Variants in FEZ2 observed in about 807,000 individuals in gnomAD.
The protein encoded by FEZ2 is fasciculation and elongation protein zeta 2, also known as fasciculation and elongation protein zeta-2.
A neutral mutation model predicts 40.4 loss-of-function variants in FEZ2; 51 were observed. The ratio of observed to expected loss-of-function variants is 1.26; its 90% CI spans 1.01 to 1.59. FEZ2 has a LOEUF of 1.59. Ranked by LOEUF, FEZ2 falls within the 40% of genes most tolerant of loss-of-function variation. The pLI is 0.00. For synonymous variants in FEZ2, 242 were observed against 172.0 expected (o/e 1.41, Z -3.18); for missense variants, 640 against 438.3 (o/e 1.46, Z -4.11).
intron 1 of FEZ2, among the ~76,000 whole-genome samples, chr2:36,595,711 T>G (rs112164165): frequency 0.014 from 2,183 of 152,258 alleles, 24 homozygotes; most frequent in Middle Eastern, 0.034. Flanking sequence ...CAAGCAATGA[T>G]GAGTATGTTT....
chr2:36,590,355 C>T (rs962895301), intron 2 of FEZ2: 2 of 113,270 alleles, frequency 1.8e-5, no homozygotes, highest in African/African-American at 4.1e-5. Flanking sequence ...CTGAGGGTTT[C>T]AGTGCACCAA....
At chr2:36,581,237 A>G in intron 4 of FEZ2, 53 bp downstream of exon 4, 4 of 1,540,240 alleles carry the variant, frequency 2.6e-6, no homozygotes, top group Non-Finnish European at 3.6e-6. Flanking sequence ...CATACTATAC[A>G]TTTGATACAG....
intron 5 of FEZ2, among the ~76,000 whole-genome samples, chr2:36,561,736 A>C (rs1374327682): frequency 5.3e-5 from 8 of 152,226 alleles, no homozygotes; most frequent in Non-Finnish European, 1.5e-5. Context: ...CGTGAAAAGG[A>C]AGTGAAGGCC....
Position 36,597,965 on chromosome 2 carries a change from G to A in FEZ2, c.178C>T (p.Leu60=). 6.7e-7 allele frequency: 1 copy of A among 1,481,604 alleles called. No individual in the cohort carries two copies. Among genetic ancestry groups the A allele is most frequent in the Non-Finnish European group, 8.9e-7 (1 of 1,122,264 alleles). The allele number at this position is 1,481,604 out of a possible 1,614,324, so 91.8% of individuals were successfully genotyped here. The stretch of plus-strand genomic sequence containing the variant: ...CCCGGATCCGAGGGGCGGAAGCACA[G>A]GCTCAGCTTCTCCTCCAAGCTGCAG... ...PACSLEEKLS[L]CFRPSDPGAE... The change falls in exon 1 of 8, where the codon CTG becomes TTG. Residue 60 remains leucine, a synonymous_variant. Coordinates refer to ENST00000405912, the MANE Select transcript of FEZ2 (RefSeq NM_005102.3).
At chr2:36,558,167 G>C (rs1668001283) in intron 6 of FEZ2, 3 of 251,822 alleles carry the variant, frequency 1.2e-5, no homozygotes. Flanking sequence ...AGAGATGATG[G>C]AGATTTAGGT....
intron 1 of FEZ2, among the ~76,000 whole-genome samples, chr2:36,596,639 T>A (rs1360060464): frequency 2.0e-5 from 3 of 152,278 alleles, no homozygotes; most frequent in East Asian, 3.9e-4. Context: ...AATTTTTTTT[T>A]AATTTTTTTG....
intron 7 of FEZ2, chr2:36,555,352 C>T (rs571909769): frequency 1.1e-5 from 2 of 186,844 alleles, no homozygotes; most frequent in South Asian, 3.5e-4. Context: ...GACCACCCTT[C>T]TCAAATTTCC....
intron 6 of FEZ2, 189 bp from the exon 7 acceptor site, chr2:36,555,937 G>A: frequency 1.5e-6 from 1 of 680,692 alleles, no homozygotes. Flanking sequence ...AGTGGAGTAA[G>A]TCCACAAGAA....
In FEZ2 at chr2:36,560,915, C is replaced by A. The variant is rs769990207; in HGVS notation, c.904-2402G>T. ...GAAGAAAAGGACAGAGAAAGAAGTT[C>A]AAAGTCTATTAGTAAGAATGTACCA... On this transcript the variant is annotated intron_variant, in intron 5 of 7. Transcript: ENST00000405912. The A allele has an allele frequency of 1.7e-5, 20 of 1,202,148 alleles. No individual in the cohort carries two copies. The Admixed American group carries it at 1.7e-4, about 10-fold the overall frequency. 74.5% of individuals were successfully genotyped at this position (1,202,148 alleles called of 1,614,324 possible).
intron 5 of FEZ2, among the ~76,000 whole-genome samples, chr2:36,563,787 G>A (rs1318859404): frequency 6.6e-6 from 1 of 152,128 alleles, no homozygotes; most frequent in African/African-American, 2.4e-5. Flanking sequence ...CCACTTTTCA[G>A]ATCTCTGAGA....
At chr2:36,584,925 A>T (rs762652831) in intron 2 of FEZ2, among the ~76,000 whole-genome samples, 17 of 152,146 alleles carry the variant, frequency 1.1e-4, no homozygotes, top group Non-Finnish European at 1.6e-4. Context: ...TCAACACTGC[A>T]CGGTCCACCT....
intron 5 of FEZ2, among the ~76,000 whole-genome samples, chr2:36,566,489 A>G (rs976481102): frequency 1.4e-5 from 2 of 148,108 alleles, no homozygotes; most frequent in African/African-American, 4.9e-5. Context: ...TTAAGGACAG[A>G]AAAAAAAAAA....
At chr2:36,582,558 T>A (rs1440498832) in intron 3 of FEZ2, among the ~76,000 whole-genome samples, 1 of 152,146 alleles carries the variant, frequency 6.6e-6, no homozygotes, top group Admixed American at 6.5e-5. Context: ...AAAACAACCT[T>A]CCAACCTACT....
At position 36,598,130 on chromosome 2, in the gene FEZ2, C is replaced by G. The variant is rs951646014; in HGVS notation, c.13G>C (p.Gly5Arg). The G allele has an allele frequency of 9.5e-6, 14 of 1,479,006 alleles. No individual in the cohort carries two copies. In the East Asian group the frequency reaches 1.8e-4, roughly 19 times the overall value. 91.6% of individuals were successfully genotyped at this position (1,479,006 alleles called of 1,614,324 possible). Residue 5 changes from glycine to arginine, a missense_variant, in exon 1 of 8, where the codon GGG becomes CGG. By Grantham distance (125) the Gly-to-Arg change is moderately radical (BLOSUM62 -2). Coordinates refer to ENST00000405912, the MANE Select transcript of FEZ2 (RefSeq NM_005102.3). MAAD[G>R]DWQDFYEFQE... ...AACTCATAGAAATCCTGCCAGTCCC[C>G]GTCCGCCGCCATCGCCGCCCGGAGC...
Position 36,598,078 on chromosome 2 carries a change from T to C in FEZ2, c.65A>G (p.Asp22Gly). The C allele has an allele frequency of 2.0e-6, 3 of 1,484,560 alleles. No homozygotes were observed. Among genetic ancestry groups the C allele is most frequent in the Non-Finnish European group, 2.7e-6 (3 of 1,126,854 alleles). The allele number at this position is 1,484,560 out of a possible 1,614,324, so 92.0% of individuals were successfully genotyped here. A position where few individuals can be genotyped will look rare whatever the true frequency, so the allele number is the denominator to read the frequency against. The part of the protein sequence containing the change: ...EFQEPARSLL[D>G]QENCNASPEP... Reference sequence around the variant, plus strand: ...GGGGCTCGCGTTACAGTTCTCCTGGTCCAGGAGGCTCCGGGCCGGCTCCTG... The same window carrying C: ...GGGGCTCGCGTTACAGTTCTCCTGGCCCAGGAGGCTCCGGGCCGGCTCCTG... Residue 22 changes from aspartate to glycine, a missense_variant, in exon 1 of 8, where the codon GAC becomes GGC. Transcript: ENST00000405912.
chr2:36,588,054 AGTCTCGCTCTGTCACCCAGGCTG>A (rs1668954355), intron 2 of FEZ2, among the ~76,000 whole-genome samples: 1 of 151,578 alleles, frequency 6.6e-6, no homozygotes, highest in Non-Finnish European at 1.5e-5. Flanking sequence ...TTTGAGACAG[AGTCTCGCTCTGTCACCCAGGCTG>A]GAGTGCAGTG....
At chr2:36,574,213 C>T (rs1466216269) in intron 5 of FEZ2, among the ~76,000 whole-genome samples, 1 of 152,110 alleles carries the variant, frequency 6.6e-6, no homozygotes, top group Non-Finnish European at 1.5e-5. Context: ...AATTCAAAGC[C>T]GTCTGTATGT....
intron 5 of FEZ2, among the ~76,000 whole-genome samples, chr2:36,576,747 G>T (rs10197570): frequency 0.43 from 65,880 of 152,108 alleles, 14,744 homozygotes; most frequent in East Asian, 0.63. Context: ...ACCAATGAAG[G>T]CTGAAGTAAG....
In FEZ2 at chr2:36,552,653, A is replaced by T. The variant is rs1239263064; in HGVS notation, c.*510T>A. The T allele has an allele frequency of 5.0e-6, 1 of 200,636 alleles. No homozygotes were observed. The highest frequency in any genetic ancestry group is 5.4e-5 in the Admixed American group (1 of 18,624). The allele number at this position is 200,636 out of a possible 1,614,324, so 12.4% of individuals were successfully genotyped here. On this transcript the variant is annotated 3_prime_UTR_variant, in exon 8 of 8. Transcript: ENST00000405912. Reference sequence around the variant, plus strand: ...TAAGTATTAAACCAAAGTAATGCATATTCTGGTTTTGCTTCTTCAAGAACA... The same window carrying T: ...TAAGTATTAAACCAAAGTAATGCATTTTCTGGTTTTGCTTCTTCAAGAACA...
Sources: allele counts gnomAD v4.1 joint callset (sites outside exome capture counted in the v4.1 genomes callset), GRCh38; gene constraint gnomAD v4.1.1; transcripts MANE v1.5; gene names NCBI Gene and HGNC (gene_info 2026-07-23, HGNC 2026-07-21).